DCAF12: variants seen among roughly 807,000 people sequenced by gnomAD.
The protein encoded by DCAF12 is DDB1- and CUL4-associated factor 12.
DCAF12 carries 28 observed loss-of-function variants against 52.8 expected under a neutral mutation model. The ratio of observed to expected loss-of-function variants is 0.53; its 90% CI spans 0.39 to 0.73. The LOEUF is 0.73. Ranked by LOEUF, DCAF12 falls within the 30% of genes least tolerant of loss-of-function variation. DCAF12 has a pLI of 0.00. For synonymous variants in DCAF12, 196 were observed against 215.5 expected (o/e 0.91, Z 0.79); for missense variants, 425 against 552.2 (o/e 0.77, Z 2.31).
rs1564092701 is a variant in DCAF12, at chr9:34,089,458, C to G, written c.1157G>C (p.Arg386Thr). Reference sequence around the variant, plus strand: ...TAGTTTCAGATTCTCCCCTGCTAGTCTGGGCTTGGACCCATAACAAGCTGA... The same window carrying G: ...TAGTTTCAGATTCTCCCCTGCTAGTGTGGGCTTGGACCCATAACAAGCTGA... ...RLSACYGSKP[R>T]LAGENLKLTT... The change falls in exon 8 of 9, where the codon AGA (arginine) becomes ACA (threonine). Residue 386 changes from arginine to threonine, a missense_variant. Physicochemically the swap from Arg to Thr is moderately conservative, Grantham distance 71. Coordinates refer to ENST00000361264, the MANE Select transcript of DCAF12 (RefSeq NM_015397.4). 1 of 1,614,088 alleles carries G rather than the reference C, an allele frequency of 6.2e-7. No individual in the cohort carries two copies. The highest frequency in any genetic ancestry group is 8.5e-7 in the Non-Finnish European group (1 of 1,179,992).
At chr9:34,112,813 G>A (rs559202816) in intron 2 of DCAF12, among the ~76,000 whole-genome samples, 69 of 152,090 alleles carry the variant, frequency 4.5e-4, no homozygotes, top group African/African-American at 1.3e-3. Flanking sequence ...CAGGTGAATC[G>A]CTTGAACCCG....
intron 7 of DCAF12, among the ~76,000 whole-genome samples, chr9:34,090,170 T>C (rs1828621917): frequency 6.6e-6 from 1 of 152,174 alleles, no homozygotes; most frequent in African/African-American, 2.4e-5. Flanking sequence ...TTCAAGCGAT[T>C]CTCCTGCCTT....
intron 2 of DCAF12, among the ~76,000 whole-genome samples, chr9:34,118,239 C>A (rs573317428): frequency 6.6e-6 from 1 of 152,230 alleles, no homozygotes; most frequent in East Asian, 1.9e-4. Flanking sequence ...GTTCAAGCGA[C>A]TGTCCTGACT....
At chr9:34,100,339 C>T (rs1189586621) in intron 4 of DCAF12, among the ~76,000 whole-genome samples, 2 of 151,584 alleles carry the variant, frequency 1.3e-5, no homozygotes, top group East Asian at 3.9e-4. Context: ...GCTGGGACTA[C>T]AGAGGCCCGT....
chr9:34,106,187 G>T (rs1291033863), intron 4 of DCAF12, among the ~76,000 whole-genome samples: 1 of 152,068 alleles, frequency 6.6e-6, no homozygotes. Context: ...GGTTCTCCTG[G>T]GCTCAAGCAA....
rs774880932 is a variant in DCAF12 at position 34,098,522 on chromosome 9, A to G, written c.602-5T>C. 1.2e-6 allele frequency: 2 copies of G among 1,610,772 alleles called. No individual in the cohort carries two copies. The highest frequency in any genetic ancestry group is 1.7e-6 in the Non-Finnish European group (2 of 1,178,208). ...CCATAGAACCATCACGTGAGCCTGC[A>G]GGGCCAGGAGAACACAGATGTCAGA... On this transcript the variant is annotated splice_polypyrimidine_tract_variant and splice_region_variant and intron_variant, in intron 4 of 8. Transcript: ENST00000361264.
chr9:34,113,670 C>T (rs1018871081), intron 2 of DCAF12, among the ~76,000 whole-genome samples: 6 of 152,040 alleles, frequency 3.9e-5, no homozygotes, highest in Non-Finnish European at 5.9e-5. Context: ...ATACAAAACA[C>T]TACAAAACAA....
chr9:34,125,433 C>G, intron 1 of DCAF12, 156 bp from the exon 2 acceptor site: 2 of 870,214 alleles, frequency 2.3e-6, no homozygotes, highest in Non-Finnish European at 3.5e-6. Flanking sequence ...TCCAGAAAGT[C>G]GTTTAACTCT....
chr9:34,091,639 CAAAAAAAAAAAAAAA>C (rs34922785), intron 7 of DCAF12, among the ~76,000 whole-genome samples: 1 of 80,508 alleles, frequency 1.2e-5, no homozygotes, highest in Non-Finnish European at 2.2e-5. Flanking sequence ...ACCCTGTCTT[CAAAAAAAAAAAAAAA>C]AAAAAAACCA....
chr9:34,115,977 T>A (rs1301332861), intron 2 of DCAF12, among the ~76,000 whole-genome samples: 1 of 152,190 alleles, frequency 6.6e-6, no homozygotes, highest in East Asian at 1.9e-4. Context: ...ACGTCCAAAT[T>A]TTTAGTAATA....
At chr9:34,095,510 C>T (rs1044277599) in intron 6 of DCAF12, among the ~76,000 whole-genome samples, 1 of 151,714 alleles carries the variant, frequency 6.6e-6, no homozygotes, top group Admixed American at 6.6e-5. Flanking sequence ...CACTGCTACC[C>T]TCCAGTAGCT....
At chr9:34,097,986 G>A (rs1417037597) in intron 5 of DCAF12, among the ~76,000 whole-genome samples, 1 of 151,212 alleles carries the variant, frequency 6.6e-6, no homozygotes, top group Admixed American at 6.6e-5. Context: ...AAAAGTGATT[G>A]TTTTCAGAAG....
At chr9:34,112,280 G>A (rs1166154151) in intron 2 of DCAF12, among the ~76,000 whole-genome samples, 1 of 152,114 alleles carries the variant, frequency 6.6e-6, no homozygotes, top group African/African-American at 2.4e-5. Flanking sequence ...ATAAATGTGA[G>A]TGGGTTTCTT....
At chr9:34,124,871 G>A in intron 2 of DCAF12, 152 bp downstream of exon 2, 3 of 961,964 alleles carry the variant, frequency 3.1e-6, no homozygotes, top group Non-Finnish European at 4.6e-6. Flanking sequence ...AACACGAAAA[G>A]AGGAAGAAGT....
At chr9:34,114,912 A>G (rs923002017) in intron 2 of DCAF12, among the ~76,000 whole-genome samples, 1 of 152,080 alleles carries the variant, frequency 6.6e-6, no homozygotes, top group Non-Finnish European at 1.5e-5. Flanking sequence ...GGCTTCAGTG[A>G]GCTATAATTG....
rs949966672 is a variant in DCAF12 at position 34,126,497 on chromosome 9, C to T, written c.-66G>A. On this transcript the variant is annotated 5_prime_UTR_variant, in exon 1 of 9. Coordinates refer to ENST00000361264, the MANE Select transcript of DCAF12 (RefSeq NM_015397.4). ...GGGGAAGCGAAGGATAGCAGGACGGCGGGTCATATACTGGGCCCCGGGGCC... is the reference window on the plus strand; with the variant it reads ...GGGGAAGCGAAGGATAGCAGGACGGTGGGTCATATACTGGGCCCCGGGGCC... 1.4e-5 allele frequency: 22 copies of T among 1,554,296 alleles called. No individual in the cohort carries two copies. Among genetic ancestry groups the T allele is most frequent in the Non-Finnish European group, 1.8e-5 (21 of 1,155,004 alleles).
At position 34,093,017 on chromosome 9, in the gene DCAF12, G is replaced by T. The variant is rs142342072; in HGVS notation, c.1024+269C>A. Reference sequence around the variant, plus strand: ...TGCGCCACTGCGCCCGGCTAATTTTGTATTTTTAGTAGAGACGGGGTTTCT... The same window carrying T: ...TGCGCCACTGCGCCCGGCTAATTTTTTATTTTTAGTAGAGACGGGGTTTCT... On this transcript the variant is annotated intron_variant, in intron 7 of 8. Transcript: ENST00000361264. 6.6e-3 allele frequency among the ~76,000 whole-genome samples: 1,008 copies of T among 152,310 alleles called. 11 individuals are homozygous for T. Among genetic ancestry groups the T allele is most frequent in the African/African-American group, 0.023 (961 of 41,576 alleles).
At chr9:34,090,053 CA>C (rs1828620243) in intron 7 of DCAF12, 1 of 152,768 alleles carries the variant, frequency 6.5e-6, no homozygotes, top group Non-Finnish European at 1.5e-5. Flanking sequence ...ACTACTGTGG[CA>C]AATGCAAGAA....
At chr9:34,109,022 T>G (rs1479558990) in intron 2 of DCAF12, 1 of 148,140 alleles carries the variant, frequency 6.8e-6, no homozygotes, top group Non-Finnish European at 1.5e-5. Context: ...TTTTTTTCAC[T>G]AGGAAAATGG....
Sources: allele counts gnomAD v4.1 joint callset (sites outside exome capture counted in the v4.1 genomes callset), GRCh38; gene constraint gnomAD v4.1.1; transcripts MANE v1.5; gene names NCBI Gene and HGNC (gene_info 2026-07-23, HGNC 2026-07-21).